The following TPH2 variants were observed in gnomAD, a reference collection of about 807,000 sequenced individuals.
TPH2 encodes the protein tryptophan hydroxylase 2, also known as tryptophan 5-hydroxylase 2.
In TPH2, 27 loss-of-function variants were observed where a neutral mutation model predicts 59.1. The observed-to-expected ratio is 0.46, with a 90% CI of 0.34 to 0.63. The LOEUF (loss-of-function observed/expected upper bound fraction) is 0.63, where lower values mean the gene tolerates loss of function less well. Among genes scored for constraint, TPH2 ranks in the 30% least tolerant of loss-of-function variants. TPH2 has a pLI of 0.01. For synonymous variants in TPH2, 220 were observed against 210.5 expected (o/e 1.05, Z -0.39); for missense variants, 523 against 588.3 (o/e 0.89, Z 1.15).
chr12:71,974,662 A>G (rs1872067076), intron 6 of TPH2, among the ~76,000 whole-genome samples: 1 of 152,216 alleles, frequency 6.6e-6, no homozygotes, highest in Non-Finnish European at 1.5e-5. Flanking sequence ...TCAGGAGATT[A>G]AGACATAGGC....
chr12:71,939,980 CATATT>C (rs1246072495), intron 1 of TPH2, among the ~76,000 whole-genome samples: 1 of 152,148 alleles, frequency 6.6e-6, no homozygotes, highest in African/African-American at 2.4e-5. Context: ...GTTGGACTGA[CATATT>C]ATTACTGATA....
intron 8 of TPH2, among the ~76,000 whole-genome samples, chr12:72,016,837 C>T (rs183068858): frequency 6.2e-4 from 95 of 152,200 alleles, no homozygotes; most frequent in African/African-American, 2.2e-3. Flanking sequence ...GTAGGCAACT[C>T]GGGCTTCCTC....
chr12:71,965,147 C>T (rs1472932707), intron 5 of TPH2: 2 of 152,120 alleles, frequency 1.3e-5, no homozygotes, highest in East Asian at 1.9e-4. Flanking sequence ...AGTATTCCAT[C>T]GTGTATATGT....
At chr12:72,013,101 T>A (rs1683756997) in intron 8 of TPH2, among the ~76,000 whole-genome samples, 2 of 152,232 alleles carry the variant, frequency 1.3e-5, no homozygotes, top group African/African-American at 2.4e-5. Context: ...GCTGACACTT[T>A]TTTTTTCTTC....
intron 5 of TPH2, among the ~76,000 whole-genome samples, chr12:71,971,519 A>G (rs1871973059): frequency 6.6e-6 from 1 of 152,194 alleles, no homozygotes; most frequent in Admixed American, 6.5e-5. Flanking sequence ...CCTTCTACCC[A>G]TCCCTGGTTG....
chr12:71,994,496 T>C lies in TPH2; in HGVS notation c.999T>C (p.Ala333=), dbSNP rs777289128. The C allele has an allele frequency of 1.5e-5, 24 of 1,613,922 alleles. No individual in the cohort carries two copies. Among genetic ancestry groups the C allele is most frequent in the Non-Finnish European group, 1.9e-5 (22 of 1,179,920 alleles). Residue 333 remains alanine (A), a synonymous_variant, in exon 8 of 11, where the codon GCT becomes GCC. Coordinates refer to ENST00000333850, the MANE Select transcript of TPH2 (RefSeq NM_173353.4). ...HVPLLADPKF[A]QFSQEIGLAS... is the part of the protein sequence containing the mutation. ...CACTACTTGCGGATCCTAAGTTTGC[T>C]CAGTTTTCACAAGAAATAGGTCTGG...
intron 5 of TPH2, among the ~76,000 whole-genome samples, chr12:71,969,686 T>A (rs1303865797): frequency 2.0e-5 from 3 of 152,162 alleles, no homozygotes; most frequent in Non-Finnish European, 4.4e-5. Flanking sequence ...CCTATAAACC[T>A]TATTTTAGTT....
At chr12:71,954,747 G>GT (rs1248476593) in intron 5 of TPH2, among the ~76,000 whole-genome samples, 5 of 152,080 alleles carry the variant, frequency 3.3e-5, no homozygotes, top group Non-Finnish European at 5.9e-5. Context: ...TCAGTGATAC[G>GT]TTTTTTCAAT....
At position 72,026,434 on chromosome 12, in the gene TPH2, C is replaced by G. The variant is rs183964117; in HGVS notation, c.1164+3940C>G. 4.6e-5 allele frequency among the ~76,000 whole-genome samples: 7 copies of G among 152,222 alleles called. No individual in the cohort carries two copies. In the East Asian group the frequency reaches 1.3e-3, roughly 29 times the overall value. On this transcript the variant is annotated intron_variant, in intron 9 of 10. Transcript: ENST00000333850. The stretch of plus-strand genomic sequence containing the variant: ...AGAATAGCTTTATATTTATTACAAG[C>G]AATTTGTATTTATTACCACTTGCAG...
chr12:72,031,476 A>G, intron 10 of TPH2, 45 bp from the exon 11 acceptor site: 1 of 1,610,848 alleles, frequency 6.2e-7, no homozygotes. Context: ...CCCTCGTACC[A>G]ATGAGGGTTG....
chr12:72,000,792 T>C (rs1049923133), intron 8 of TPH2, among the ~76,000 whole-genome samples: 1 of 152,222 alleles, frequency 6.6e-6, no homozygotes, highest in African/African-American at 2.4e-5. Flanking sequence ...TGTCATTGCT[T>C]CTGTTTTGTG....
chr12:71,989,345 G>A (rs1423595738), intron 7 of TPH2, among the ~76,000 whole-genome samples: 1 of 152,178 alleles, frequency 6.6e-6, no homozygotes, highest in Non-Finnish European at 1.5e-5. Context: ...TCACCTGTCT[G>A]CAACGCATCC....
chr12:72,004,528 G>A lies in TPH2; in HGVS notation c.1068+9963G>A, dbSNP rs934415264. On this transcript the variant is annotated intron_variant, in intron 8 of 10. Coordinates refer to ENST00000333850, the MANE Select transcript of TPH2 (RefSeq NM_173353.4). Reference sequence around the variant, plus strand: ...ATAATTCAAAAGTCCTGATATTGCGGACTTCTTACTTTTTCTTCTCAAAGT... The same window carrying A: ...ATAATTCAAAAGTCCTGATATTGCGAACTTCTTACTTTTTCTTCTCAAAGT... 1.9e-4 allele frequency among the ~76,000 whole-genome samples: 26 copies of A among 138,828 alleles called. 1 individual carries two copies. The highest frequency in any genetic ancestry group is 6.7e-4 in the African/African-American group (26 of 38,816). 91.1% of individuals were successfully genotyped at this position (138,828 alleles called of 152,430 possible). A position where few individuals can be genotyped will look rare whatever the true frequency, so the allele number is the denominator to read the frequency against.
At position 71,972,449 on chromosome 12, in the gene TPH2, A is replaced by G. The variant is rs1010350380; in HGVS notation, c.609-70A>G. 259 of 1,470,446 alleles carry G rather than the reference A, an allele frequency of 1.8e-4. 1 individual carries two copies. The highest frequency in any genetic ancestry group is 2.4e-4 in the Non-Finnish European group (255 of 1,049,296). 91.1% of individuals were successfully genotyped at this position (1,470,446 alleles called of 1,614,324 possible). A position where few individuals can be genotyped will look rare whatever the true frequency, so the allele number is the denominator to read the frequency against. ...TGCCAGGGTCTGACTTGTGATAGGT[A>G]TTGAGGTGAGAAAATACTTAACTCA... On this transcript the variant is annotated intron_variant, in intron 5 of 10. Transcript: ENST00000333850.
chr12:72,008,697 A>G (rs556586401), intron 8 of TPH2, among the ~76,000 whole-genome samples: 1 of 152,292 alleles, frequency 6.6e-6, no homozygotes, highest in East Asian at 1.9e-4. Flanking sequence ...TAAGACCATA[A>G]TGCAGAATAA....
chr12:71,985,445 C>T (rs1238353381), intron 7 of TPH2, among the ~76,000 whole-genome samples: 1 of 152,124 alleles, frequency 6.6e-6, no homozygotes, highest in Non-Finnish European at 1.5e-5. Context: ...GTTGCCCGGG[C>T]TGGAGGGCAG....
At chr12:71,944,038 C>T (rs1315111624) in intron 2 of TPH2, among the ~76,000 whole-genome samples, 7 of 152,010 alleles carry the variant, frequency 4.6e-5, no homozygotes, top group African/African-American at 1.4e-4. Context: ...TTTTACAGGG[C>T]CACTTTATAT....
intron 8 of TPH2, among the ~76,000 whole-genome samples, chr12:72,005,149 A>G (rs1019013455): frequency 1.3e-5 from 2 of 152,176 alleles, no homozygotes; most frequent in Non-Finnish European, 2.9e-5. Context: ...TTGAGGGCTT[A>G]AATCCAGACT....
chr12:71,976,355 T>C (rs1479856937), intron 6 of TPH2, among the ~76,000 whole-genome samples: 1 of 152,244 alleles, frequency 6.6e-6, no homozygotes, highest in Non-Finnish European at 1.5e-5. Context: ...GGCATGTAGA[T>C]AGTATGATGT....
Sources: allele counts gnomAD v4.1 joint callset (sites outside exome capture counted in the v4.1 genomes callset), GRCh38; gene constraint gnomAD v4.1.1; transcripts MANE v1.5; gene names NCBI Gene and HGNC (gene_info 2026-07-23, HGNC 2026-07-21).